The following XPO4 variants were observed in gnomAD, a reference collection of about 807,000 sequenced individuals.
XPO4 encodes the protein exportin 4.
In XPO4, 39 loss-of-function variants were observed where a neutral mutation model predicts 143.0. That is an observed-to-expected ratio of 0.27 (90% CI 0.21 to 0.36). The LOEUF is 0.36. XPO4 is among the 10% of genes least tolerant of loss of function. XPO4 has a pLI of 1.00. For synonymous variants in XPO4, 439 were observed against 474.0 expected, an observed-to-expected ratio of 0.93 and a Z score of 0.96; for missense variants, 907 against 1,348.0, an observed-to-expected ratio of 0.67 and a Z score of 5.12.
intron 18 of XPO4, among the ~76,000 whole-genome samples, chr13:20,792,464 G>T (rs1356683171): frequency 6.6e-6 from 1 of 152,156 alleles, no homozygotes; most frequent in Non-Finnish European, 1.5e-5. Flanking sequence ...AGGTACTTGG[G>T]AGGCTGAGGG....
intron 4 of XPO4, chr13:20,852,708 A>G (rs1056924869): frequency 1.0e-6 from 1 of 978,904 alleles, no homozygotes; most frequent in Non-Finnish European, 1.2e-6. Context: ...AAAGCAAGGT[A>G]CACCACATCT....
chr13:20,788,675 C>A, intron 19 of XPO4, 59 bp from the exon 20 acceptor site: 3 of 1,431,542 alleles, frequency 2.1e-6, no homozygotes, highest in Non-Finnish European at 2.8e-6. Context: ...CTATTTTCAT[C>A]AATGCAATAA....
intron 2 of XPO4, 134 bp downstream of exon 2, chr13:20,868,462 T>C: frequency 1.5e-6 from 2 of 1,293,474 alleles, no homozygotes; most frequent in South Asian, 1.8e-5. Context: ...TCCAGTAGAA[T>C]GATTATTAAT....
In XPO4 at chr13:20,886,229, G is replaced by C. The variant is rs181928680; in HGVS notation, c.69+16441C>G. 2.5e-3 allele frequency among the ~76,000 whole-genome samples: 379 copies of C among 152,114 alleles called. 4 individuals are homozygous for C. The highest frequency in any genetic ancestry group is 8.7e-3 in the African/African-American group (359 of 41,494). ...TGTATGTGACATATTACCTGACCAA[G>C]AGCAATTAAGTAAGAAATTGATTTA... On this transcript the variant is annotated intron_variant, in intron 1 of 22. Transcript: ENST00000255305.
At chr13:20,859,376 G>A (rs1033997264) in intron 3 of XPO4, among the ~76,000 whole-genome samples, 6 of 152,112 alleles carry the variant, frequency 3.9e-5, no homozygotes, top group Non-Finnish European at 5.9e-5. Flanking sequence ...TGAAGCAGGC[G>A]GATCACGAGG....
intron 1 of XPO4, among the ~76,000 whole-genome samples, chr13:20,877,389 C>G (rs1248836620): frequency 6.6e-6 from 1 of 151,868 alleles, no homozygotes; most frequent in Non-Finnish European, 1.5e-5. Flanking sequence ...TAAGTCTGGC[C>G]AATAAGATAT....
At chr13:20,843,439 C>T (rs575855629) in intron 5 of XPO4, among the ~76,000 whole-genome samples, 144 of 152,324 alleles carry the variant, frequency 9.5e-4, no homozygotes, top group Non-Finnish European at 1.6e-3. Flanking sequence ...AAATACACGG[C>T]CTTCTGGCAT....
At chr13:20,902,287 G>A (rs1178790867) in intron 1 of XPO4, 7 of 985,210 alleles carry the variant, frequency 7.1e-6, no homozygotes, top group Middle Eastern at 1.0e-3. Flanking sequence ...AACTCCCCAA[G>A]AGCGCTCACA....
At chr13:20,831,804 ATTTTTTT>A (rs34302388) in intron 6 of XPO4, among the ~76,000 whole-genome samples, 68 of 88,764 alleles carry the variant, frequency 7.7e-4, no homozygotes, top group African/African-American at 2.9e-3. Flanking sequence ...TAGTACAGTG[ATTTTTTT>A]TTTTTTTTTT....
intron 7 of XPO4, among the ~76,000 whole-genome samples, chr13:20,825,983 C>T (rs952527771): frequency 3.9e-5 from 6 of 152,108 alleles, no homozygotes; most frequent in Non-Finnish European, 7.4e-5. Flanking sequence ...TTGAAGGGCT[C>T]ATCTATATTT....
intron 7 of XPO4, among the ~76,000 whole-genome samples, chr13:20,824,217 T>C (rs2059755744): frequency 6.6e-6 from 1 of 152,256 alleles, no homozygotes; most frequent in Admixed American, 6.5e-5. Context: ...AATTCATATA[T>C]GCACACTGTC....
intron 6 of XPO4, among the ~76,000 whole-genome samples, chr13:20,832,904 A>G (rs1323460832): frequency 6.6e-6 from 1 of 152,172 alleles, no homozygotes; most frequent in African/African-American, 2.4e-5. Context: ...AGCTTTCTCC[A>G]AGAGATTAAG....
rs2059161902 is a variant in XPO4, at chr13:20,783,259, G to C, written c.*463C>G. 5.9e-6 allele frequency: 1 copy of C among 170,620 alleles called. No homozygotes were observed. Among genetic ancestry groups the C allele is most frequent in the Admixed American group, 5.8e-5 (1 of 17,264 alleles). 10.6% of individuals were successfully genotyped at this position (170,620 alleles called of 1,614,324 possible). ...GACATTCTGACTCTGAAGGTCTACAGTTGGGCCTAAGAATCTGCCTTTTCA... is the reference window on the plus strand; with the variant it reads ...GACATTCTGACTCTGAAGGTCTACACTTGGGCCTAAGAATCTGCCTTTTCA... On this transcript the variant is annotated 3_prime_UTR_variant, in exon 23 of 23. Transcript: ENST00000255305.
chr13:20,810,027 A>G, intron 9 of XPO4, 60 bp from the exon 10 acceptor site: 2 of 1,409,314 alleles, frequency 1.4e-6, no homozygotes, highest in South Asian at 1.5e-5. Context: ...GCATAACAAC[A>G]GTCATATAAA....
At chr13:20,823,528 C>T (rs1449395438) in intron 7 of XPO4, among the ~76,000 whole-genome samples, 1 of 151,488 alleles carries the variant, frequency 6.6e-6, no homozygotes, top group Non-Finnish European at 1.5e-5. Flanking sequence ...CAAATTTGGC[C>T]CCCGCCTGTT....
At chr13:20,877,469 C>G (rs2060363993) in intron 1 of XPO4, among the ~76,000 whole-genome samples, 1 of 152,136 alleles carries the variant, frequency 6.6e-6, no homozygotes, top group Admixed American at 6.5e-5. Flanking sequence ...TTCCTGTTCC[C>G]CAGAAGTAGA....
chr13:20,878,137 C>T (rs2060370696), intron 1 of XPO4, among the ~76,000 whole-genome samples: 1 of 152,088 alleles, frequency 6.6e-6, no homozygotes, highest in South Asian at 2.1e-4. Context: ...TGCATCATGG[C>T]ACTCCAGCCT....
chr13:20,902,714 G>A lies in XPO4; in HGVS notation c.25C>T (p.Pro9Ser), dbSNP rs768087897. ...TTCTCCAGCTGAGCGATCACTTCTG[G>A]GGGCCCCAGCGCCGCCGCCATCATG... MMAAALGPPEVIAQLENAA... is the reference protein window; with the variant it reads MMAAALGPSEVIAQLENAA... The change falls in exon 1 of 23, where the codon CCA becomes TCA. Residue 9 changes from proline (P) to serine (S), a missense_variant. Pro to Ser is a moderately conservative substitution (Grantham distance 74, BLOSUM62 -1). Coordinates refer to ENST00000255305, the MANE Select transcript of XPO4 (RefSeq NM_022459.5). 22 of 1,566,068 alleles carry A rather than the reference G, an allele frequency of 1.4e-5. No individual in the cohort carries two copies. In the South Asian group the frequency reaches 1.5e-4, roughly 11 times the overall value.
intron 1 of XPO4, among the ~76,000 whole-genome samples, chr13:20,878,513 G>C: frequency 6.6e-6 from 1 of 152,150 alleles, no homozygotes; most frequent in Non-Finnish European, 1.5e-5. Flanking sequence ...TTGAACTACA[G>C]CTATATTTAC....
Sources: gnomAD v4.1 joint callset for allele counts (sites outside exome capture counted in the v4.1 genomes callset) on GRCh38, gnomAD v4.1.1 for gene constraint, MANE v1.5 for transcripts, NCBI Gene and HGNC (gene_info 2026-07-23, HGNC 2026-07-21) for gene names.